The following BEND6 variants were observed in gnomAD, a reference collection of about 807,000 sequenced individuals.
BEND6 encodes the protein BEN domain containing 6.
Under a neutral mutation model 31.8 loss-of-function variants are expected in BEND6, and 24 were observed. The observed-to-expected ratio is 0.75, with a 90% CI of 0.55 to 1.06. The LOEUF (loss-of-function observed/expected upper bound fraction) is 1.06, where lower values mean the gene tolerates loss of function less well. Among genes scored for constraint, BEND6 ranks in the 50% least tolerant of loss-of-function variants. BEND6 has a pLI of 0.00. For synonymous variants in BEND6, 109 were observed against 114.6 expected (o/e 0.95, Z 0.31); for missense variants, 294 against 327.4 (o/e 0.90, Z 0.79).
chr6:56,977,437 A>G (rs546640861), intron 1 of BEND6, among the ~76,000 whole-genome samples: 4 of 152,246 alleles, frequency 2.6e-5, no homozygotes, highest in Non-Finnish European at 5.9e-5. Context: ...ATTGAGTACA[A>G]CCTGAAGTGG....
chr6:57,017,477 G>C (rs1827604170), intron 5 of BEND6, 78 bp downstream of exon 5: 2 of 1,117,474 alleles, frequency 1.8e-6, no homozygotes, highest in African/African-American at 3.3e-5. Flanking sequence ...GTCTTTCATG[G>C]TCCTTTTATT....
chr6:56,963,772 A>C (rs1825365669), intron 1 of BEND6, among the ~76,000 whole-genome samples: 1 of 149,856 alleles, frequency 6.7e-6, no homozygotes, highest in African/African-American at 2.4e-5. Context: ...GTTTGCTTCA[A>C]TTAATAATAA....
intron 1 of BEND6, among the ~76,000 whole-genome samples, chr6:56,964,345 A>G (rs1298012446): frequency 1.3e-5 from 2 of 152,192 alleles, no homozygotes. Flanking sequence ...TCATAGAAGG[A>G]CAAGTTTAGT....
intron 6 of BEND6, 63 bp downstream of exon 6, chr6:57,018,620 TA>T (rs1827643825): frequency 7.4e-7 from 1 of 1,342,930 alleles, no homozygotes; most frequent in Non-Finnish European, 9.7e-7. Context: ...ACTTTTATTT[TA>T]TTGGAATAGC....
At chr6:57,007,164 C>T in intron 3 of BEND6, among the ~76,000 whole-genome samples, 1 of 151,936 alleles carries the variant, frequency 6.6e-6, no homozygotes, top group Middle Eastern at 3.2e-3. Flanking sequence ...TGGCACGCAC[C>T]TGTGGTCTCA....
Position 57,016,546 on chromosome 6 carries a change from A to T in BEND6, c.520-661A>T, listed in dbSNP as rs150961604. Reference sequence around the variant, plus strand: ...ATTCCCCATTTTCTTGCTGGTTGTAAACTGAAGGCCATTCCTACTTCTAGA... The same window carrying T: ...ATTCCCCATTTTCTTGCTGGTTGTATACTGAAGGCCATTCCTACTTCTAGA... On this transcript the variant is annotated intron_variant, in intron 4 of 6. Coordinates refer to ENST00000370746, the MANE Select transcript of BEND6 (RefSeq NM_152731.3). 7.1e-4 allele frequency among the ~76,000 whole-genome samples: 108 copies of T among 152,222 alleles called. 1 individual carries two copies. Among genetic ancestry groups the T allele is most frequent in the African/African-American group, 2.5e-3 (103 of 41,550 alleles).
At position 56,968,178 on chromosome 6, in the gene BEND6, A is replaced by G. The variant is rs146339463; in HGVS notation, c.-101+12718A>G. Among the ~76,000 whole-genome samples the G allele has an allele frequency of 7.6e-3, 1,162 of 152,280 alleles. 7 individuals are homozygous for G. Among genetic ancestry groups the G allele is most frequent in the Non-Finnish European group, 0.013 (868 of 68,018 alleles). Reference sequence around the variant, plus strand: ...CTTATTCATTCAATTAGCTTCAGTGAAAGTACATCCACAAACTCCAGAAAG... The same window carrying G: ...CTTATTCATTCAATTAGCTTCAGTGGAAGTACATCCACAAACTCCAGAAAG... On this transcript the variant is annotated intron_variant, in intron 1 of 6. Coordinates refer to ENST00000370746, the MANE Select transcript of BEND6 (RefSeq NM_152731.3).
At chr6:56,981,988 G>T in intron 2 of BEND6, 58 bp downstream of exon 2, 1 of 1,517,042 alleles carries the variant, frequency 6.6e-7, no homozygotes, top group South Asian at 1.3e-5. Flanking sequence ...TAATTTCATG[G>T]TTTCTTTCAT....
chr6:57,005,275 A>G (rs1443457525), intron 3 of BEND6, among the ~76,000 whole-genome samples: 1 of 152,226 alleles, frequency 6.6e-6, no homozygotes, highest in Non-Finnish European at 1.5e-5. Flanking sequence ...ATTCATTCAC[A>G]TTAATTACAA....
intron 1 of BEND6, among the ~76,000 whole-genome samples, chr6:56,960,694 CAGA>C (rs747695761): frequency 3.1e-4 from 47 of 152,184 alleles, no homozygotes; most frequent in Non-Finnish European, 5.4e-4. Context: ...ACTAGGAGAG[CAGA>C]AGTACTAAAT....
intron 3 of BEND6, chr6:57,014,601 C>T (rs1827464590): frequency 8.9e-7 from 1 of 1,125,146 alleles, no homozygotes; most frequent in African/African-American, 1.6e-5. Flanking sequence ...TATATCACAA[C>T]ACAGGTTTGA....
intron 3 of BEND6, among the ~76,000 whole-genome samples, chr6:57,005,175 A>G (rs1278410433): frequency 6.6e-6 from 1 of 152,160 alleles, no homozygotes; most frequent in Non-Finnish European, 1.5e-5. Flanking sequence ...GGCTCATAAT[A>G]GGTGTCCAAT....
At chr6:56,959,877 G>A (rs1825227573) in intron 1 of BEND6, among the ~76,000 whole-genome samples, 1 of 152,096 alleles carries the variant, frequency 6.6e-6, no homozygotes, top group South Asian at 2.1e-4. Flanking sequence ...GCCTAATTAG[G>A]TTTTGTTGTT....
intron 3 of BEND6, among the ~76,000 whole-genome samples, chr6:56,995,682 C>T (rs1339661833): frequency 6.6e-6 from 1 of 152,122 alleles, no homozygotes; most frequent in Non-Finnish European, 1.5e-5. Context: ...TGTGTCTAAA[C>T]CTCTCCCTTT....
intron 1 of BEND6, among the ~76,000 whole-genome samples, chr6:56,980,025 A>G (rs905175549): frequency 6.6e-6 from 1 of 152,240 alleles, no homozygotes; most frequent in African/African-American, 2.4e-5. Context: ...AACATTCTCC[A>G]CTGTGTGAGG....
At chr6:56,984,657 A>G (rs1281117072) in intron 2 of BEND6, among the ~76,000 whole-genome samples, 14 of 152,210 alleles carry the variant, frequency 9.2e-5, no homozygotes, top group African/African-American at 3.1e-4. Flanking sequence ...GAAATTCACT[A>G]TAGCCAGAGA....
intron 2 of BEND6, among the ~76,000 whole-genome samples, chr6:56,988,799 T>C (rs1826383642): frequency 6.6e-6 from 1 of 152,046 alleles, no homozygotes; most frequent in Admixed American, 6.6e-5. Context: ...GAGTCCGAGG[T>C]GGGCAGATGA....
At chr6:56,983,261 A>T (rs1826133465) in intron 2 of BEND6, among the ~76,000 whole-genome samples, 1 of 152,238 alleles carries the variant, frequency 6.6e-6, no homozygotes, top group Non-Finnish European at 1.5e-5. Flanking sequence ...AAGCAAATTA[A>T]CATATCCATC....
chr6:56,965,370 A>G (rs1446186438), intron 1 of BEND6, among the ~76,000 whole-genome samples: 2 of 152,178 alleles, frequency 1.3e-5, no homozygotes, highest in African/African-American at 2.4e-5. Context: ...GTATAAAATT[A>G]CAAAGTTAAT....
Sources: allele counts gnomAD v4.1 joint callset (sites outside exome capture counted in the v4.1 genomes callset), GRCh38; gene constraint gnomAD v4.1.1; transcripts MANE v1.5; gene names NCBI Gene and HGNC (gene_info 2026-07-23, HGNC 2026-07-21).